The following BPIFC variants were observed in gnomAD, a reference collection of about 807,000 sequenced individuals.
BPIFC encodes BPI fold containing family C, also known as BPI fold-containing family C protein.
A neutral mutation model predicts 57.6 loss-of-function variants in BPIFC; 60 were observed. That is an observed-to-expected ratio of 1.04 (90% CI 0.85 to 1.29). The LOEUF (loss-of-function observed/expected upper bound fraction) is 1.29. Ranked by LOEUF, BPIFC falls within the 50% of genes most tolerant of loss-of-function variation. BPIFC has a pLI of 0.00. For missense variants in BPIFC, 581 were observed against 600.5 expected, an observed-to-expected ratio of 0.97 and a Z score of 0.34; for synonymous variants, 243 against 224.5, an observed-to-expected ratio of 1.08 and a Z score of -0.74.
In BPIFC at chr22:32,418,050, CTG is replaced by C. The variant is rs1029799551; in HGVS notation, c.1261-904_1261-903del. Among the ~76,000 whole-genome samples the C allele has an allele frequency of 2.0e-5, 3 of 152,102 alleles. No individual in the cohort carries two copies. In the East Asian group the frequency reaches 5.8e-4, roughly 29 times the overall value. ...CCTCTTGACGTAAAAATGACAATAA[CTG>C]AAATAATTACCGTAAATATGAAAAC... On this transcript the variant is annotated intron_variant, in intron 14 of 16. Transcript: ENST00000300399.
At chr22:32,434,746 G>A (rs1366391059) in intron 10 of BPIFC, among the ~76,000 whole-genome samples, 1 of 152,154 alleles carries the variant, frequency 6.6e-6, no homozygotes, top group Non-Finnish European at 1.5e-5. Flanking sequence ...AGCCACTGCT[G>A]CCATACTTAC....
chr22:32,417,250 TCTCCAGCCTCGAA>T, intron 14 of BPIFC, 102 bp from the exon 15 acceptor site: 1 of 811,592 alleles, frequency 1.2e-6, no homozygotes, highest in Non-Finnish European at 2.0e-6. Flanking sequence ...ATCATGGCTC[TCTCCAGCCTCGAA>T]CTCCTGGGCT....
In BPIFC at chr22:32,435,799, T is replaced by C; in HGVS notation, c.829A>G (p.Met277Val). The change falls in exon 10 of 17, where the codon ATG becomes GTG. Residue 277 changes from methionine to valine, a missense_variant. By Grantham distance (21) the Met-to-Val change is conservative (BLOSUM62 1). Coordinates refer to ENST00000300399, the MANE Select transcript of BPIFC (RefSeq NM_174932.3). ...TACTCGGCGATTCCAATGTAGAGCA[T>C]GGAGTTGCTGCGTTCTGGGAGCACA... is the stretch of plus-strand genomic sequence containing the variant. ...PFVLPERSNS[M>V]LYIGIAEYFF... The C allele has an allele frequency of 6.2e-7, 1 of 1,614,144 alleles. No individual in the cohort carries two copies. Among genetic ancestry groups the C allele is most frequent in the Non-Finnish European group, 8.5e-7 (1 of 1,180,036 alleles).
chr22:32,415,223 G>A (rs535046291), intron 16 of BPIFC, among the ~76,000 whole-genome samples: 47 of 152,208 alleles, frequency 3.1e-4, no homozygotes, highest in Admixed American at 7.9e-4. Flanking sequence ...AGCTCAGGCA[G>A]TAATGTTCAC....
rs369618463 is a variant in BPIFC at position 32,435,778 on chromosome 22, C to T, written c.850G>A (p.Glu284Lys). The change falls in exon 10 of 17, where the codon GAG becomes AAG. Residue 284 changes from glutamate (E) to lysine (K), a missense_variant. Transcript: ENST00000300399. ...SNSMLYIGIA[E>K]YFFKSASFAH... Reference sequence around the variant, plus strand: ...AAGGACGCAGATTTAAAGAAATACTCGGCGATTCCAATGTAGAGCATGGAG... The same window carrying T: ...AAGGACGCAGATTTAAAGAAATACTTGGCGATTCCAATGTAGAGCATGGAG... 3.4e-5 allele frequency: 55 copies of T among 1,614,028 alleles called. No homozygotes were observed. Among genetic ancestry groups the T allele is most frequent in the South Asian group, 4.4e-5 (4 of 91,082 alleles).
intron 3 of BPIFC, among the ~76,000 whole-genome samples, chr22:32,455,198 A>C (rs1335023691): frequency 6.6e-6 from 1 of 151,770 alleles, no homozygotes; most frequent in Non-Finnish European, 1.5e-5. Flanking sequence ...CTACAGGCGC[A>C]TGCCACAATG....
chr22:32,448,260 G>T (rs1252946670), intron 4 of BPIFC, among the ~76,000 whole-genome samples: 1 of 151,942 alleles, frequency 6.6e-6, no homozygotes, highest in Non-Finnish European at 1.5e-5. Flanking sequence ...AGTAGAGACG[G>T]GCTTTCACCA....
At chr22:32,457,688 A>T (rs534138461) in intron 2 of BPIFC, among the ~76,000 whole-genome samples, 1 of 152,148 alleles carries the variant, frequency 6.6e-6, no homozygotes, top group African/African-American at 2.4e-5. Context: ...TGTAGTGTTG[A>T]CCTACACATG....
rs1177376154 is a variant in BPIFC, at chr22:32,453,495, C to G, written c.133G>C (p.Ala45Pro). The change falls in exon 4 of 17, where the codon GCT (alanine) becomes CCT (proline). Residue 45 changes from alanine to proline, a missense_variant. By Grantham distance (27) the Ala-to-Pro change is conservative (BLOSUM62 -1). Transcript: ENST00000300399. The stretch of plus-strand genomic sequence containing the variant: ...ATTTGCTCAATCATCTTCATTCCAG[C>G]TTGAACACCTGTGAAGGAAACAAGA... ...TQRALDYGVQAGMKMIEQMLK... is the reference protein window; with the variant it reads ...TQRALDYGVQPGMKMIEQMLK... 10 of 1,588,870 alleles carry G rather than the reference C, an allele frequency of 6.3e-6. No homozygotes were observed. The highest frequency in any genetic ancestry group is 8.5e-6 in the Non-Finnish European group (10 of 1,172,456).
In BPIFC at chr22:32,433,733, T is replaced by C. The variant is rs1322234798; in HGVS notation, c.964A>G (p.Asn322Asp). The part of the protein sequence containing the change: ...HFVQNSQGLG[N>D]VLSRIAEIYI... ...TGAGCACTTACCCGGGAGAGCACGT[T>C]GCCAAGGCCTTGAGAGTTTTGAACA... Residue 322 changes from asparagine (N) to aspartate (D), a missense_variant, in exon 11 of 17, where the codon AAC (asparagine) becomes GAC (aspartate). Asn to Asp is a conservative substitution (Grantham distance 23). Transcript: ENST00000300399. 6.2e-7 allele frequency: 1 copy of C among 1,614,060 alleles called. No individual in the cohort carries two copies. The highest frequency in any genetic ancestry group is 8.5e-7 in the Non-Finnish European group (1 of 1,179,948).
In BPIFC at chr22:32,435,722, GACA is replaced by G; in HGVS notation, c.903_905del (p.Val302del). 6.2e-7 allele frequency: 1 copy of G among 1,613,948 alleles called. No individual in the cohort carries two copies. ...TCCTCACCTCTTCGGTGGAGAGAGT[GACA>G]TTGAAAACCCCAGCTGTGAAATGAG... is the stretch of plus-strand genomic sequence containing the variant. On this transcript the variant is annotated inframe_deletion, in exon 10 of 17. Transcript: ENST00000300399.
At chr22:32,457,533 C>T (rs1490861676) in intron 2 of BPIFC, 147 bp from the exon 3 acceptor site, 6 of 845,628 alleles carry the variant, frequency 7.1e-6, no homozygotes, top group South Asian at 3.7e-5. Flanking sequence ...ATCCATCCAT[C>T]CATCCATCCA....
chr22:32,435,884 T>C lies in BPIFC; in HGVS notation c.748-4A>G. 1 of 1,607,614 alleles carries C rather than the reference T, an allele frequency of 6.2e-7. No individual in the cohort carries two copies. The highest frequency in any genetic ancestry group is 8.5e-7 in the Non-Finnish European group (1 of 1,178,310). ...TTTCCAGTGGGTAGAATACACCCTG[T>C]GGGAAAAGAGAGAGAAAGACCAGTG... On this transcript the variant is annotated splice_region_variant and splice_polypyrimidine_tract_variant and intron_variant, in intron 9 of 16. Transcript: ENST00000300399.
At chr22:32,443,546 C>G (rs1201637088) in intron 7 of BPIFC, among the ~76,000 whole-genome samples, 3 of 152,166 alleles carry the variant, frequency 2.0e-5, no homozygotes, top group Non-Finnish European at 4.4e-5. Context: ...TATTTTGTTG[C>G]CACCTTTTTG....
intron 4 of BPIFC, among the ~76,000 whole-genome samples, chr22:32,451,445 A>G (rs1371065518): frequency 6.6e-6 from 1 of 152,212 alleles, no homozygotes; most frequent in Non-Finnish European, 1.5e-5. Context: ...TGGCAAGGAC[A>G]AAAAACCAAA....
chr22:32,462,870 G>A (rs994145094), intron 1 of BPIFC, among the ~76,000 whole-genome samples: 1 of 152,098 alleles, frequency 6.6e-6, no homozygotes, highest in African/African-American at 2.4e-5. Context: ...TACACTTTAA[G>A]TTCTAGGGTA....
At chr22:32,418,293 ATATT>A (rs1472430919) in intron 14 of BPIFC, among the ~76,000 whole-genome samples, 3 of 152,254 alleles carry the variant, frequency 2.0e-5, no homozygotes, top group East Asian at 1.9e-4. Context: ...AGTAAACACT[ATATT>A]TGTTTGTTTG....
intron 13 of BPIFC, among the ~76,000 whole-genome samples, chr22:32,423,577 GGT>G (rs369571670): frequency 1.3e-3 from 192 of 143,078 alleles, no homozygotes; most frequent in African/African-American, 2.3e-3. Flanking sequence ...GTAGGGTGTG[GGT>G]GTGTGTGTGT....
intron 3 of BPIFC, among the ~76,000 whole-genome samples, chr22:32,455,361 A>T (rs1369958052): frequency 6.6e-6 from 1 of 152,130 alleles, no homozygotes; most frequent in Non-Finnish European, 1.5e-5. Context: ...CCATTTAAAA[A>T]AATATCTTGC....
Sources: gnomAD v4.1 joint callset for allele counts (sites outside exome capture counted in the v4.1 genomes callset) on GRCh38, gnomAD v4.1.1 for gene constraint, MANE v1.5 for transcripts, NCBI Gene and HGNC (gene_info 2026-07-23, HGNC 2026-07-21) for gene names.